Variants in USP38 observed in about 807,000 individuals in gnomAD.
The protein encoded by USP38 is ubiquitin carboxyl-terminal hydrolase 38.
A neutral mutation model predicts 94.3 loss-of-function variants in USP38; 49 were observed. That is an observed-to-expected ratio of 0.52 (90% CI 0.41 to 0.66). The LOEUF (loss-of-function observed/expected upper bound fraction) is 0.66. Ranked by LOEUF, USP38 falls within the 30% of genes least tolerant of loss-of-function variation. The pLI, the probability that USP38 is intolerant of heterozygous loss-of-function variation, is 0.00. For missense variants in USP38, 1,128 were observed against 1,229.4 expected, an observed-to-expected ratio of 0.92 and a Z score of 1.23; for synonymous variants, 468 against 463.6, an observed-to-expected ratio of 1.01 and a Z score of -0.12.
At chr4:143,208,598 TATTC>T (rs1731936670) in intron 6 of USP38, among the ~76,000 whole-genome samples, 1 of 152,112 alleles carries the variant, frequency 6.6e-6, no homozygotes, top group Admixed American at 6.5e-5. Context: ...TATTTTTCTT[TATTC>T]ATTTGTGTTT....
chr4:143,208,598 T>C (rs1398210749), intron 6 of USP38, among the ~76,000 whole-genome samples: 1 of 152,112 alleles, frequency 6.6e-6, no homozygotes, highest in African/African-American at 2.4e-5. Flanking sequence ...TATTTTTCTT[T>C]ATTCATTTGT....
chr4:143,220,519 A>G lies in USP38; in HGVS notation c.*63A>G. On this transcript the variant is annotated 3_prime_UTR_variant, in exon 10 of 10. Coordinates refer to ENST00000307017, the MANE Select transcript of USP38 (RefSeq NM_032557.6). ...CTAATACTATGACTGTTAAAATGTCAGACTATAACAAATATCTATCTTTTA... is the reference window on the plus strand; with the variant it reads ...CTAATACTATGACTGTTAAAATGTCGGACTATAACAAATATCTATCTTTTA... The G allele has an allele frequency of 2.9e-6, 4 of 1,402,384 alleles. No homozygotes were observed. In the South Asian group the frequency reaches 5.2e-5, roughly 18 times the overall value. The allele number at this position is 1,402,384 out of a possible 1,614,324, so 86.9% of individuals were successfully genotyped here.
In USP38 at chr4:143,185,865, C is replaced by T; in HGVS notation, c.415C>T (p.Pro139Ser). 6.2e-7 allele frequency: 1 copy of T among 1,614,164 alleles called. No individual in the cohort carries two copies. Among genetic ancestry groups the T allele is most frequent in the Non-Finnish European group, 8.5e-7 (1 of 1,180,038 alleles). ...VEVLRMVCERPEPQLCARLSD... is the reference protein window; with the variant it reads ...VEVLRMVCERSEPQLCARLSD... ...GGTGTTACGGATGGTGTGTGAGAGG[C>T]CGGAGCCGCAGCTCTGTGCCCGACT... is the stretch of plus-strand genomic sequence containing the variant. The change falls in exon 1 of 10, where the codon CCG becomes TCG. Residue 139 changes from proline (P) to serine (S), a missense_variant. By Grantham distance (74) the Pro-to-Ser change is moderately conservative. Coordinates refer to ENST00000307017, the MANE Select transcript of USP38 (RefSeq NM_032557.6).
intron 7 of USP38, among the ~76,000 whole-genome samples, chr4:143,210,519 G>A (rs1408046102): frequency 6.6e-6 from 1 of 151,904 alleles, no homozygotes; most frequent in Non-Finnish European, 1.5e-5. Context: ...CCCAGGAGGT[G>A]GAGCTTGCGG....
chr4:143,215,506 T>A (rs574624956), intron 9 of USP38: 1 of 152,338 alleles, frequency 6.6e-6, no homozygotes. Flanking sequence ...TTCATAAATA[T>A]ACTTTTTTCA....
At chr4:143,218,462 C>T (rs1217991144) in intron 9 of USP38, among the ~76,000 whole-genome samples, 4 of 151,976 alleles carry the variant, frequency 2.6e-5, no homozygotes, top group Non-Finnish European at 5.9e-5. Context: ...GACAGTTTTT[C>T]CTATTTTTAT....
chr4:143,211,123 A>C (rs1732012866), intron 7 of USP38, among the ~76,000 whole-genome samples: 1 of 152,012 alleles, frequency 6.6e-6, no homozygotes, highest in African/African-American at 2.4e-5. Flanking sequence ...TAACTTACTA[A>C]ATCAGAGCTA....
chr4:143,208,622 A>G (rs1731937119), intron 6 of USP38, among the ~76,000 whole-genome samples: 1 of 151,996 alleles, frequency 6.6e-6, no homozygotes, highest in South Asian at 2.1e-4. Flanking sequence ...TCTCTTCCAA[A>G]TAACCTGTTC....
chr4:143,206,548 G>A (rs1038127586), intron 6 of USP38, among the ~76,000 whole-genome samples: 3 of 152,134 alleles, frequency 2.0e-5, no homozygotes, highest in Non-Finnish European at 4.4e-5. Context: ...AAATTAGCCA[G>A]GCGTGGTGGT....
rs1560677018 is a variant in USP38 at position 143,220,502 on chromosome 4, A to G, written c.*46A>G. 6.7e-7 allele frequency: 1 copy of G among 1,488,680 alleles called. No individual in the cohort carries two copies. The highest frequency in any genetic ancestry group is 2.2e-5 in the Admixed American group (1 of 44,500). 92.2% of individuals were successfully genotyped at this position (1,488,680 alleles called of 1,614,324 possible). On this transcript the variant is annotated 3_prime_UTR_variant, in exon 10 of 10. Coordinates refer to ENST00000307017, the MANE Select transcript of USP38 (RefSeq NM_032557.6). Reference sequence around the variant, plus strand: ...CACTGGTCACGAAACGTCTAATACTATGACTGTTAAAATGTCAGACTATAA... The same window carrying G: ...CACTGGTCACGAAACGTCTAATACTGTGACTGTTAAAATGTCAGACTATAA...
intron 5 of USP38, 79 bp downstream of exon 5, chr4:143,203,645 A>G (rs1731779580): frequency 7.0e-7 from 1 of 1,432,188 alleles, no homozygotes. Context: ...CAGCTACTCA[A>G]TTTACTATTT....
rs1303936888 is a variant in USP38 at position 143,220,638 on chromosome 4, A to G, written c.*182A>G. On this transcript the variant is annotated 3_prime_UTR_variant, in exon 10 of 10. Coordinates refer to ENST00000307017, the MANE Select transcript of USP38 (RefSeq NM_032557.6). ...ATTAACAAAATGCATCATGGAAAAA[A>G]AAATCTACCTCTTAAAATTCCATTT... is the stretch of plus-strand genomic sequence containing the variant. 2 of 620,552 alleles carry G rather than the reference A, an allele frequency of 3.2e-6. No individual in the cohort carries two copies. Among genetic ancestry groups the G allele is most frequent in the East Asian group, 3.6e-5 (1 of 27,580 alleles). 38.4% of individuals were successfully genotyped at this position (620,552 alleles called of 1,614,324 possible).
intron 2 of USP38, 117 bp from the exon 3 acceptor site, chr4:143,195,599 A>T (rs1731520850): frequency 8.9e-7 from 1 of 1,117,810 alleles, no homozygotes; most frequent in Non-Finnish European, 1.2e-6. Context: ...GCTTTTCACC[A>T]GCAAATTCAG....
At position 143,197,884 on chromosome 4, in the gene USP38, T is replaced by C; in HGVS notation, c.1010T>C (p.Met337Thr). The C allele has an allele frequency of 1.2e-6, 2 of 1,614,030 alleles. No individual in the cohort carries two copies. Among genetic ancestry groups the C allele is most frequent in the South Asian group, 1.1e-5 (1 of 91,050 alleles). ...GGTGCTCTTGCAGTTCTTTCTCACA[T>C]GCTGCTTAGCTTTCAGCATTCTCCA... ...RPGALAVLSH[M>T]LLSFQHSPEA... The change falls in exon 4 of 10, where the codon ATG becomes ACG. Residue 337 changes from methionine to threonine, a missense_variant. Physicochemically the swap from Met to Thr is moderately conservative, Grantham distance 81 (BLOSUM62 -1). Transcript: ENST00000307017.
At position 143,222,755 on chromosome 4, in the gene USP38, C is replaced by G. The variant is rs1247833235; in HGVS notation, c.*2299C>G. 1 of 152,028 alleles carries G rather than the reference C, an allele frequency of 6.6e-6. No homozygotes were observed. Among genetic ancestry groups the G allele is most frequent in the Non-Finnish European group, 1.5e-5 (1 of 67,952 alleles). 9.4% of individuals were successfully genotyped at this position (152,028 alleles called of 1,614,324 possible). ...AATAATCAGAAACTTCATTCAAAAC[C>G]TATGCATCTGAACTTTTTTAGTAAG... is the stretch of plus-strand genomic sequence containing the variant. On this transcript the variant is annotated 3_prime_UTR_variant, in exon 10 of 10. Transcript: ENST00000307017.
chr4:143,196,351 T>C (rs1731549092), intron 3 of USP38, among the ~76,000 whole-genome samples: 2 of 152,170 alleles, frequency 1.3e-5, no homozygotes, highest in Admixed American at 1.3e-4. Context: ...TTTTCAAATA[T>C]CCAATATGAA....
chr4:143,218,287 T>A (rs1732235857), intron 9 of USP38, among the ~76,000 whole-genome samples: 1 of 152,146 alleles, frequency 6.6e-6, no homozygotes, highest in African/African-American at 2.4e-5. Flanking sequence ...AAATTATTTG[T>A]CTCAAGGAGC....
intron 4 of USP38, among the ~76,000 whole-genome samples, chr4:143,199,685 T>A (rs1731654993): frequency 6.6e-6 from 1 of 152,210 alleles, no homozygotes; most frequent in Admixed American, 6.5e-5. Flanking sequence ...CTGACTGGTA[T>A]GAGATGGTAG....
At chr4:143,196,927 T>G (rs1731565246) in intron 3 of USP38, among the ~76,000 whole-genome samples, 1 of 152,210 alleles carries the variant, frequency 6.6e-6, no homozygotes, top group Admixed American at 6.5e-5. Context: ...CTACAAATTC[T>G]ACTGATACCA....
Sources: gnomAD v4.1 joint callset for allele counts (sites outside exome capture counted in the v4.1 genomes callset) on GRCh38, gnomAD v4.1.1 for gene constraint, MANE v1.5 for transcripts, NCBI Gene and HGNC (gene_info 2026-07-23, HGNC 2026-07-21) for gene names.